The following SH3PXD2A variants were observed in gnomAD, a reference collection of about 807,000 sequenced individuals.
The protein encoded by SH3PXD2A is SH3 and PX domains 2A, also known as SH3 and PX domain-containing protein 2A.
Under a neutral mutation model 115.2 loss-of-function variants are expected in SH3PXD2A, and 32 were observed. That is an observed-to-expected ratio of 0.28 (90% CI 0.21 to 0.37). SH3PXD2A has a LOEUF of 0.37. Ranked by LOEUF, SH3PXD2A falls within the 10% of genes least tolerant of loss-of-function variation. The pLI is 1.00. For missense variants in SH3PXD2A, 1,328 were observed against 1,498.7 expected, an observed-to-expected ratio of 0.89 and a Z score of 1.88; for synonymous variants, 610 against 629.1, an observed-to-expected ratio of 0.97 and a Z score of 0.45.
intron 9 of SH3PXD2A, among the ~76,000 whole-genome samples, chr10:103,625,667 A>G (rs1026768238): frequency 2.6e-5 from 4 of 152,202 alleles, no homozygotes; most frequent in Non-Finnish European, 4.4e-5. Flanking sequence ...CTGAGGTGGC[A>G]GATTGCTTGG....
chr10:103,795,166 A>G (rs1369566920), intron 2 of SH3PXD2A, among the ~76,000 whole-genome samples: 1 of 152,268 alleles, frequency 6.6e-6, no homozygotes, highest in Non-Finnish European at 1.5e-5. Context: ...TAGCAAGTGC[A>G]ACCAAGGAAC....
At chr10:103,621,494 G>A (rs2036602762) in intron 10 of SH3PXD2A, among the ~76,000 whole-genome samples, 2 of 152,232 alleles carry the variant, frequency 1.3e-5, no homozygotes, top group African/African-American at 4.8e-5. Flanking sequence ...TGGGCCTGGG[G>A]CAGACACCAA....
chr10:103,767,819 T>G (rs796205111), intron 2 of SH3PXD2A, among the ~76,000 whole-genome samples: 84 of 146,810 alleles, frequency 5.7e-4, no homozygotes, highest in Middle Eastern at 3.5e-3. Context: ...TGTTTTTTTT[T>G]TTTTTTTTTT....
intron 2 of SH3PXD2A, among the ~76,000 whole-genome samples, chr10:103,774,303 A>G (rs927433039): frequency 3.3e-5 from 5 of 152,230 alleles, no homozygotes; most frequent in African/African-American, 1.2e-4. Flanking sequence ...TCTATATTCA[A>G]GTTAAGTGAT....
chr10:103,819,572 G>C (rs2039357067), intron 1 of SH3PXD2A, among the ~76,000 whole-genome samples: 1 of 152,090 alleles, frequency 6.6e-6, no homozygotes, highest in Non-Finnish European at 1.5e-5. Context: ...GGGCAGAAGA[G>C]GGAGGAGGGC....
At chr10:103,763,103 C>T (rs1238055329) in intron 3 of SH3PXD2A, among the ~76,000 whole-genome samples, 2 of 152,118 alleles carry the variant, frequency 1.3e-5, no homozygotes. Context: ...GTCCTAGGTC[C>T]CAAGACTTAC....
intron 9 of SH3PXD2A, among the ~76,000 whole-genome samples, chr10:103,626,840 T>C (rs2036704367): frequency 2.0e-5 from 3 of 151,904 alleles, no homozygotes; most frequent in Admixed American, 2.0e-4. Context: ...CCAAAGCTAA[T>C]CAGAGAGGCT....
chr10:103,622,614 T>A, intron 9 of SH3PXD2A, 61 bp from the exon 10 acceptor site: 1 of 985,942 alleles, frequency 1.0e-6, no homozygotes, highest in Non-Finnish European at 1.5e-6. Flanking sequence ...AGAATGGAGA[T>A]GAGGATGAGA....
At chr10:103,807,467 A>G (rs1254340618) in intron 1 of SH3PXD2A, among the ~76,000 whole-genome samples, 2 of 152,198 alleles carry the variant, frequency 1.3e-5, no homozygotes, top group East Asian at 1.9e-4. Context: ...CTCAATGGCA[A>G]TCTTCCTTCA....
At chr10:103,684,565 G>A (rs551858135) in intron 6 of SH3PXD2A, among the ~76,000 whole-genome samples, 3 of 151,708 alleles carry the variant, frequency 2.0e-5, no homozygotes, top group East Asian at 3.9e-4. Context: ...TCATCATGTC[G>A]GTCTTGAACT....
At position 103,611,569 on chromosome 10, in the gene SH3PXD2A, C is replaced by T. The variant is rs745355304; in HGVS notation, c.1308+12G>A. 1.9e-6 allele frequency: 3 copies of T among 1,613,022 alleles called. No homozygotes were observed. In the East Asian group the frequency reaches 6.7e-5, roughly 36 times the overall value. ...AAGGAAGGAAAGGGGAGAAGAAATTCAGTACACATACCAGGCTGGATTCTC... is the reference window on the plus strand; with the variant it reads ...AAGGAAGGAAAGGGGAGAAGAAATTTAGTACACATACCAGGCTGGATTCTC... On this transcript the variant is annotated intron_variant, in intron 13 of 14. Transcript: ENST00000369774.
intron 8 of SH3PXD2A, among the ~76,000 whole-genome samples, chr10:103,631,191 G>C (rs2036774626): frequency 6.6e-6 from 1 of 152,160 alleles, no homozygotes; most frequent in Non-Finnish European, 1.5e-5. Flanking sequence ...GTCGAGCCCA[G>C]GAGTTTAAGG....
intron 12 of SH3PXD2A, 91 bp from the exon 13 acceptor site, chr10:103,611,721 TC>T (rs1256642328): frequency 1.0e-6 from 1 of 971,552 alleles, no homozygotes; most frequent in African/African-American, 1.6e-5. Context: ...TAACTCCTGA[TC>T]CTTCAAGTTC....
At chr10:103,835,433 C>T (rs1311019459) in intron 1 of SH3PXD2A, among the ~76,000 whole-genome samples, 1 of 152,220 alleles carries the variant, frequency 6.6e-6, no homozygotes, top group African/African-American at 2.4e-5. Flanking sequence ...TTCCCTTATT[C>T]GAAGTGAAAT....
intron 6 of SH3PXD2A, among the ~76,000 whole-genome samples, chr10:103,684,200 C>T (rs1483062729): frequency 1.3e-5 from 2 of 152,162 alleles, no homozygotes; most frequent in African/African-American, 4.8e-5. Flanking sequence ...TTCCACCTGA[C>T]AGCCCTCCTC....
At chr10:103,808,936 T>C (rs2039235749) in intron 1 of SH3PXD2A, among the ~76,000 whole-genome samples, 2 of 152,204 alleles carry the variant, frequency 1.3e-5, no homozygotes, top group African/African-American at 2.4e-5. Flanking sequence ...AGGTGGCTAG[T>C]AGCAACACTT....
Position 103,596,663 on chromosome 10 carries a change from A to ACACACACACTCTCTCTCTCTCT in SH3PXD2A, c.*5152_*5153insAGAGAGAGAGAGAGTGTGTGTG. 4 of 124,440 alleles carry ACACACACACTCTCTCTCTCTCT rather than the reference A, an allele frequency of 3.2e-5. No homozygotes were observed. The highest frequency in any genetic ancestry group is 1.3e-4 in the African/African-American group (4 of 31,676). The allele number at this position is 124,440 out of a possible 1,614,324, so 7.7% of individuals were successfully genotyped here. On this transcript the variant is annotated 3_prime_UTR_variant, in exon 15 of 15. Coordinates refer to ENST00000369774, the MANE Select transcript of SH3PXD2A (RefSeq NM_001394015.1). ...CACACACACACACACACACACACAC[A>ACACACACACTCTCTCTCTCTCT]CTCTCTCTCTCTCTCTCTCTCTCAC...
At chr10:103,788,078 T>C (rs980714540) in intron 2 of SH3PXD2A, among the ~76,000 whole-genome samples, 2 of 152,162 alleles carry the variant, frequency 1.3e-5, no homozygotes, top group Non-Finnish European at 2.9e-5. Context: ...GCATGCATTC[T>C]GTTCACAGGG....
chr10:103,719,316 G>A (rs1366774737), intron 5 of SH3PXD2A, among the ~76,000 whole-genome samples: 2 of 152,240 alleles, frequency 1.3e-5, no homozygotes, highest in African/African-American at 4.8e-5. Flanking sequence ...GGTCAGGGCT[G>A]TGGTTAGAAC....
Sources: gnomAD v4.1 joint callset for allele counts (sites outside exome capture counted in the v4.1 genomes callset) on GRCh38, gnomAD v4.1.1 for gene constraint, MANE v1.5 for transcripts, NCBI Gene and HGNC (gene_info 2026-07-23, HGNC 2026-07-21) for gene names.